Variants in CNTNAP2 observed in about 807,000 individuals in gnomAD.
CNTNAP2 encodes the protein contactin-associated protein-like 2.
CNTNAP2 carries 98 observed loss-of-function variants against 155.2 expected under a neutral mutation model. The ratio of observed to expected loss-of-function variants is 0.63; its 90% CI spans 0.54 to 0.75. CNTNAP2 has a LOEUF of 0.75. Ranked by LOEUF, CNTNAP2 falls within the 30% of genes least tolerant of loss-of-function variation. The pLI, the probability that CNTNAP2 is intolerant of heterozygous loss-of-function variation, is 0.00. For synonymous variants in CNTNAP2, 651 were observed against 631.2 expected (o/e 1.03, Z -0.47); for missense variants, 1,727 against 1,688.1 (o/e 1.02, Z -0.40).
In CNTNAP2 at chr7:146,989,604, A is replaced by C. The variant is rs575416269; in HGVS notation, c.403-54303A>C. 1.1e-4 allele frequency among the ~76,000 whole-genome samples: 17 copies of C among 152,116 alleles called. No individual in the cohort carries two copies. In the South Asian group the frequency reaches 3.5e-3, roughly 32 times the overall value. On this transcript the variant is annotated intron_variant, in intron 3 of 23. Coordinates refer to ENST00000361727, the MANE Select transcript of CNTNAP2 (RefSeq NM_014141.6). ...TTTTCTTCATGATTTTAAATTTCCA[A>C]ATCTCATCTCTTGCTGCCCAACCAC...
intron 1 of CNTNAP2, among the ~76,000 whole-genome samples, chr7:146,565,870 A>G (rs1798349234): frequency 1.3e-5 from 2 of 152,264 alleles, no homozygotes; most frequent in African/African-American, 2.4e-5. Flanking sequence ...CATGCCTGCT[A>G]TATTTGCAGA....
At chr7:148,278,700 C>A (rs1341289278) in intron 21 of CNTNAP2, among the ~76,000 whole-genome samples, 1 of 151,982 alleles carries the variant, frequency 6.6e-6, no homozygotes, top group African/African-American at 2.4e-5. Flanking sequence ...AATCTCTTAT[C>A]TTTATGAACC....
chr7:147,542,123 T>C (rs1460652861), intron 11 of CNTNAP2, among the ~76,000 whole-genome samples: 2 of 152,248 alleles, frequency 1.3e-5, no homozygotes, highest in South Asian at 2.1e-4. Context: ...CTAATTAGAG[T>C]TGCCGGACAC....
intron 1 of CNTNAP2, among the ~76,000 whole-genome samples, chr7:146,316,553 T>TA (rs1053690300): frequency 6.6e-6 from 1 of 151,856 alleles, no homozygotes; most frequent in Non-Finnish European, 1.5e-5. Flanking sequence ...AATTACATAT[T>TA]AAAAAAAATT....
intron 12 of CNTNAP2, among the ~76,000 whole-genome samples, chr7:147,615,349 T>C (rs28411888): frequency 0.69 from 98,916 of 144,032 alleles, 34,361 homozygotes; most frequent in African/African-American, 0.78. Flanking sequence ...GGCATTGTGG[T>C]TCATGCCTGT....
In CNTNAP2 at chr7:147,002,984, G is replaced by A. The variant is rs570130155; in HGVS notation, c.403-40923G>A. Among the ~76,000 whole-genome samples the A allele has an allele frequency of 2.3e-4, 34 of 148,926 alleles. 1 individual carries two copies. The South Asian group carries it at 6.8e-3, about 30-fold the overall frequency. ...AAAAAAAAAGAAGAAGCAGCAAACT[G>A]GAAAAGAAGACAAGGATTTAGAAAA... On this transcript the variant is annotated intron_variant, in intron 3 of 23. Transcript: ENST00000361727.
chr7:148,163,625 A>C (rs975261601), intron 17 of CNTNAP2, among the ~76,000 whole-genome samples: 3 of 152,210 alleles, frequency 2.0e-5, no homozygotes, highest in Non-Finnish European at 4.4e-5. Context: ...AATGAACTGA[A>C]AAAAATCCAT....
At chr7:148,030,614 G>A (rs976130936) in intron 15 of CNTNAP2, among the ~76,000 whole-genome samples, 5 of 146,988 alleles carry the variant, frequency 3.4e-5, no homozygotes, top group Admixed American at 6.8e-5. Context: ...CCATTCCTTT[G>A]TTTGTAGAGT....
chr7:147,307,631 T>C (rs984243627), intron 9 of CNTNAP2, among the ~76,000 whole-genome samples: 7 of 152,188 alleles, frequency 4.6e-5, no homozygotes, highest in African/African-American at 1.7e-4. Flanking sequence ...AATATGGTTA[T>C]TTCCTTCAAA....
chr7:148,412,046 G>A (rs1799854436), intron 23 of CNTNAP2, among the ~76,000 whole-genome samples: 2 of 152,090 alleles, frequency 1.3e-5, no homozygotes, highest in African/African-American at 4.8e-5. Context: ...TGGCTCAAGC[G>A]ATTCTCCTGC....
At chr7:146,196,398 G>T (rs142236017) in intron 1 of CNTNAP2, among the ~76,000 whole-genome samples, 34 of 152,290 alleles carry the variant, frequency 2.2e-4, no homozygotes, top group African/African-American at 7.5e-4. Context: ...TACAATGAGA[G>T]GTAGAAAGAA....
At chr7:147,433,760 A>G (rs1370451064) in intron 10 of CNTNAP2, among the ~76,000 whole-genome samples, 1 of 152,216 alleles carries the variant, frequency 6.6e-6, no homozygotes, top group Non-Finnish European at 1.5e-5. Flanking sequence ...GAGCTATGTT[A>G]CTACCTGGAA....
At chr7:146,714,067 C>G (rs1801145431) in intron 1 of CNTNAP2, among the ~76,000 whole-genome samples, 1 of 152,102 alleles carries the variant, frequency 6.6e-6, no homozygotes, top group Admixed American at 6.5e-5. Flanking sequence ...TTACTGCTCT[C>G]TCCTGGAGTG....
intron 2 of CNTNAP2, among the ~76,000 whole-genome samples, chr7:146,802,539 C>T (rs752991205): frequency 2.0e-5 from 3 of 152,056 alleles, no homozygotes; most frequent in South Asian, 2.1e-4. Flanking sequence ...GCTGCTTTTA[C>T]GATAGTGAGT....
At chr7:146,177,615 A>C (rs1798488472) in intron 1 of CNTNAP2, among the ~76,000 whole-genome samples, 1 of 152,190 alleles carries the variant, frequency 6.6e-6, no homozygotes, top group Non-Finnish European at 1.5e-5. Context: ...TTCGTACCGG[A>C]TTTCTCTTCA....
chr7:147,809,942 A>G (rs542949656), intron 13 of CNTNAP2, among the ~76,000 whole-genome samples: 2 of 152,334 alleles, frequency 1.3e-5, no homozygotes, highest in African/African-American at 4.8e-5. Context: ...GCTTCAACTC[A>G]TATTGAGTTT....
chr7:146,800,399 A>C (rs1009044834), intron 2 of CNTNAP2, among the ~76,000 whole-genome samples: 2 of 152,234 alleles, frequency 1.3e-5, no homozygotes, highest in Admixed American at 1.3e-4. Flanking sequence ...CTCTGACCCT[A>C]GCCTTGTCAG....
At chr7:147,058,330 T>A (rs77614491) in intron 4 of CNTNAP2, among the ~76,000 whole-genome samples, 9,820 of 152,272 alleles carry the variant, frequency 0.064, 418 homozygotes, top group Middle Eastern at 0.13. Flanking sequence ...AAATTTGTAG[T>A]CTGTTAGCAA....
At chr7:146,382,826 A>G (rs1285825809) in intron 1 of CNTNAP2, among the ~76,000 whole-genome samples, 1 of 152,070 alleles carries the variant, frequency 6.6e-6, no homozygotes, top group Admixed American at 6.6e-5. Flanking sequence ...ACCGAGAAAA[A>G]TGTATTCTAT....
Sources: gnomAD v4.1 joint callset for allele counts (sites outside exome capture counted in the v4.1 genomes callset) on GRCh38, gnomAD v4.1.1 for gene constraint, MANE v1.5 for transcripts, NCBI Gene and HGNC (gene_info 2026-07-23, HGNC 2026-07-21) for gene names.